Variants in STXBP4 observed in about 807,000 individuals in gnomAD.
The protein encoded by STXBP4 is syntaxin-binding protein 4.
STXBP4 carries 55 observed loss-of-function variants against 76.1 expected under a neutral mutation model. The ratio of observed to expected loss-of-function variants is 0.72; its 90% confidence interval spans 0.58 to 0.91. The LOEUF is 0.91. STXBP4 is among the 40% of genes least tolerant of loss of function. STXBP4 has a pLI of 0.00. For missense variants in STXBP4, 618 were observed against 636.9 expected (o/e 0.97, Z 0.32); for synonymous variants, 201 against 220.2 (o/e 0.91, Z 0.77).
chr17:55,012,043 C>T (rs2078125235), intron 8 of STXBP4, among the ~76,000 whole-genome samples: 1 of 152,160 alleles, frequency 6.6e-6, no homozygotes, highest in Non-Finnish European at 1.5e-5. Flanking sequence ...TCATGGACTG[C>T]ATCAGGTGCT....
At chr17:55,195,791 A>G in the STXBP4 span, among the ~76,000 whole-genome samples, 8 of 152,200 alleles carry the variant, frequency 5.3e-5, no homozygotes, top group South Asian at 1.2e-3. Context: ...GGCAGGGGGT[A>G]TGTCTTATTC....
chr17:55,011,232 ATTTT>A (rs968555049), intron 8 of STXBP4, among the ~76,000 whole-genome samples: 1 of 151,608 alleles, frequency 6.6e-6, no homozygotes, highest in Non-Finnish European at 1.5e-5. Context: ...TATTTGCATT[ATTTT>A]TTTTAATTTT....
chr17:54,980,938 T>A (rs1334622830), intron 1 of STXBP4, among the ~76,000 whole-genome samples: 1 of 141,148 alleles, frequency 7.1e-6, no homozygotes, highest in African/African-American at 2.4e-5. Context: ...TTTTTGCGTT[T>A]TTTTTTTGTT....
At chr17:55,008,929 A>G (rs967493970) in intron 8 of STXBP4, among the ~76,000 whole-genome samples, 2 of 152,214 alleles carry the variant, frequency 1.3e-5, no homozygotes, top group Admixed American at 6.5e-5. Flanking sequence ...GGATTTTGTC[A>G]TTCAGTTCCA....
chr17:54,977,889 G>C (rs1239234544), intron 1 of STXBP4, among the ~76,000 whole-genome samples: 1 of 152,078 alleles, frequency 6.6e-6, no homozygotes, highest in Non-Finnish European at 1.5e-5. Context: ...ATAAATAGTA[G>C]GCATTTCTAA....
rs371949290 is a variant in STXBP4, at chr17:55,067,800, G to C, written c.1012-5100G>C. Among the ~76,000 whole-genome samples, 8 of 152,192 alleles carry C rather than the reference G, an allele frequency of 5.3e-5. No homozygotes were observed. In the East Asian group the frequency reaches 1.2e-3, roughly 22 times the overall value. On this transcript the variant is annotated intron_variant, in intron 12 of 17. Coordinates refer to ENST00000376352, the MANE Select transcript of STXBP4 (RefSeq NM_178509.6). ...ACATAAATCAGTAATACAGTGGTTA[G>C]AATGGAAATTAAGCAACAGCTGCAA... is the stretch of plus-strand genomic sequence containing the variant.
chr17:55,098,456 A>G (rs1227232618), intron 16 of STXBP4, among the ~76,000 whole-genome samples: 3 of 152,194 alleles, frequency 2.0e-5, no homozygotes, highest in Non-Finnish European at 4.4e-5. Context: ...TTGCATAGGA[A>G]TGAGGTCTAA....
At chr17:54,986,663 C>G (rs936053794) in intron 3 of STXBP4, among the ~76,000 whole-genome samples, 8 of 152,096 alleles carry the variant, frequency 5.3e-5, no homozygotes, top group Non-Finnish European at 2.9e-5. Context: ...TTGTCAAATA[C>G]ATTTTTAAAA....
At chr17:55,156,807 T>C (rs1214189509) in intron 17 of STXBP4, among the ~76,000 whole-genome samples, 1 of 152,212 alleles carries the variant, frequency 6.6e-6, no homozygotes, top group Non-Finnish European at 1.5e-5. Context: ...GTTAATCAAA[T>C]TTTATATTAC....
At chr17:55,024,209 G>T (rs1284184355) in intron 8 of STXBP4, among the ~76,000 whole-genome samples, 1 of 152,202 alleles carries the variant, frequency 6.6e-6, no homozygotes, top group Non-Finnish European at 1.5e-5. Flanking sequence ...TGTAACTTTA[G>T]AGAACAATTT....
intron 17 of STXBP4, among the ~76,000 whole-genome samples, chr17:55,155,457 C>G (rs2080266370): frequency 6.6e-6 from 1 of 151,768 alleles, no homozygotes; most frequent in Non-Finnish European, 1.5e-5. Context: ...CATATAGTTA[C>G]TTATTTGTCT....
chr17:55,012,087 C>T (rs2078126035), intron 8 of STXBP4, among the ~76,000 whole-genome samples: 2 of 152,102 alleles, frequency 1.3e-5, no homozygotes, highest in South Asian at 2.1e-4. Context: ...TTTACAGCTT[C>T]GATTCTGGAA....
intron 3 of STXBP4, among the ~76,000 whole-genome samples, chr17:54,988,434 C>A (rs1267910093): frequency 6.6e-6 from 1 of 152,058 alleles, no homozygotes; most frequent in African/African-American, 2.4e-5. Context: ...TCTTTCATTT[C>A]TAGGCTTTAC....
intron 12 of STXBP4, among the ~76,000 whole-genome samples, chr17:55,061,549 T>C (rs1237098571): frequency 6.6e-6 from 1 of 152,210 alleles, no homozygotes; most frequent in African/African-American, 2.4e-5. Flanking sequence ...AGATAGTCAC[T>C]GTGGCCTCAG....
chr17:55,144,005 G>GCGCGCACA (rs373154905), intron 17 of STXBP4, among the ~76,000 whole-genome samples: 1 of 138,858 alleles, frequency 7.2e-6, no homozygotes, highest in African/African-American at 2.7e-5. Context: ...AAAGCCACCT[G>GCGCGCACA]CACACACACA....
chr17:55,022,387 A>G (rs1236015002), intron 8 of STXBP4, among the ~76,000 whole-genome samples: 1 of 152,064 alleles, frequency 6.6e-6, no homozygotes, highest in Non-Finnish European at 1.5e-5. Flanking sequence ...AGTGAATCCA[A>G]TTCAGCCATC....
At chr17:55,191,411 C>T in the STXBP4 span, among the ~76,000 whole-genome samples, 694 of 152,248 alleles carry the variant, frequency 4.6e-3, 10 homozygotes, top group African/African-American at 0.016. Context: ...GAAAGATAAT[C>T]ATAGTCTGTG....
intron 9 of STXBP4, among the ~76,000 whole-genome samples, chr17:55,032,689 T>C (rs1598236808): frequency 6.6e-6 from 1 of 152,126 alleles, no homozygotes. Flanking sequence ...AAACCAGAGA[T>C]CGTGGACCTA....
At chr17:55,048,641 AG>A (rs1203661351) in intron 12 of STXBP4, among the ~76,000 whole-genome samples, 1 of 151,998 alleles carries the variant, frequency 6.6e-6, no homozygotes, top group African/African-American at 2.4e-5. Context: ...ATCAGGAAAA[AG>A]TGAAATGAGA....
Sources: allele counts gnomAD v4.1 joint callset (sites outside exome capture counted in the v4.1 genomes callset), GRCh38; gene constraint gnomAD v4.1.1; transcripts MANE v1.5; gene names NCBI Gene and HGNC (gene_info 2026-07-23, HGNC 2026-07-21).